The following MEGF8 variants were observed in gnomAD, a reference collection of about 807,000 sequenced individuals.
MEGF8 encodes multiple EGF like domains 8, also known as multiple epidermal growth factor-like domains protein 8.
A neutral mutation model predicts 302.9 loss-of-function variants in MEGF8; 156 were observed. The observed-to-expected ratio is 0.52, with a 90% CI of 0.45 to 0.59. MEGF8 has a LOEUF of 0.59. Ranked by LOEUF, MEGF8 falls within the 20% of genes least tolerant of loss-of-function variation. The pLI, the probability that MEGF8 is intolerant of heterozygous loss-of-function variation, is 0.00. For synonymous variants in MEGF8, 1,621 were observed against 1,660.5 expected (o/e 0.98, Z 0.58); for missense variants, 3,345 against 3,964.5 (o/e 0.84, Z 4.20).
chr19:42,357,665 T>C lies in MEGF8; in HGVS notation c.5011+81T>C, dbSNP rs1340627474. ...TTCCTGTGGGCTCTCCATCCACTGC[T>C]GTGCTCTGTGGCCACCTGTCTCCCT... On this transcript the variant is annotated intron_variant, in intron 28 of 41. Coordinates refer to ENST00000251268, the MANE Select transcript of MEGF8 (RefSeq NM_001271938.2). This position sits in a 1 kb window ranked among gnomAD's most constrained non-coding sequence, Gnocchi z 5.2. 7.8e-7 allele frequency: 1 copy of C among 1,284,998 alleles called. No homozygotes were observed. The highest frequency in any genetic ancestry group is 2.5e-5 in the East Asian group (1 of 39,452). The allele number at this position is 1,284,998 out of a possible 1,614,324, so 79.6% of individuals were successfully genotyped here.
chr19:42,363,756 G>A (rs892035772), intron 35 of MEGF8, among the ~76,000 whole-genome samples: 2 of 152,086 alleles, frequency 1.3e-5, no homozygotes, highest in Non-Finnish European at 2.9e-5. Context: ...TTGTTATAAG[G>A]AAGTGTGGGT....
Position 42,356,439 on chromosome 19 carries a change from G to C in MEGF8, c.4608G>C (p.Leu1536=). 1 of 1,604,668 alleles carries C rather than the reference G, an allele frequency of 6.2e-7. No individual in the cohort carries two copies. The highest frequency in any genetic ancestry group is 8.5e-7 in the Non-Finnish European group (1 of 1,175,964). The change falls in exon 26 of 42, where the codon CTG becomes CTC. Residue 1536 remains leucine (L), a synonymous_variant. Transcript: ENST00000251268. The surrounding 1 kb of genome is among the most constrained non-coding windows in gnomAD (Gnocchi z 5.2). ...FGGLGLPQGL[L]GNLYRYSVSE... The stretch of plus-strand genomic sequence containing the variant: ...GCCTGGGCCTGCCCCAGGGGCTGCT[G>C]GGAAACCTGTACAGGTGAGGACTGC...
chr19:42,326,206 G>A lies in MEGF8; in HGVS notation c.-38G>A, dbSNP rs774894940. 1.4e-6 allele frequency: 2 copies of A among 1,465,414 alleles called. No individual in the cohort carries two copies. The highest frequency in any genetic ancestry group is 1.8e-6 in the Non-Finnish European group (2 of 1,115,474). The allele number at this position is 1,465,414 out of a possible 1,614,324, so 90.8% of individuals were successfully genotyped here. On this transcript the variant is annotated 5_prime_UTR_variant, in exon 1 of 42. Transcript: ENST00000251268. The stretch of plus-strand genomic sequence containing the variant: ...AGAGGGTCCTCTCCAGGTTTTTACG[G>A]CCTGTCCCCGCTCTAAGGGTCAGTG...
chr19:42,327,454 G>A (rs1568553132), intron 1 of MEGF8, among the ~76,000 whole-genome samples: 1 of 152,192 alleles, frequency 6.6e-6, no homozygotes, highest in Non-Finnish European at 1.5e-5. Flanking sequence ...GAGGCTTCCT[G>A]GAGGAGGAAA....
At chr19:42,350,711 C>T (rs1167411802) in intron 15 of MEGF8, among the ~76,000 whole-genome samples, 3 of 152,216 alleles carry the variant, frequency 2.0e-5, no homozygotes, top group Admixed American at 6.5e-5. Context: ...ACCCTGCTTC[C>T]TCTTGTTCCC....
At position 42,353,898 on chromosome 19, in the gene MEGF8, C is replaced by T. The variant is rs147869980; in HGVS notation, c.3885C>T (p.Ala1295=). The T allele has an allele frequency of 1.7e-5, 27 of 1,593,242 alleles. No individual in the cohort carries two copies. The highest frequency in any genetic ancestry group is 9.1e-5 in the East Asian group (4 of 43,794). The change falls in exon 22 of 42, where the codon GCC becomes GCT. Residue 1295 remains alanine, a synonymous_variant. Coordinates refer to ENST00000251268, the MANE Select transcript of MEGF8 (RefSeq NM_001271938.2). This position sits in a 1 kb window ranked among gnomAD's most constrained non-coding sequence, Gnocchi z 6.1. ...CTCCAGGTGGCGGGGCTGCAAGAGC[C>T]GGGCCTGGCCTGTCCTACTGTGTGT... is the stretch of plus-strand genomic sequence containing the variant. The part of the protein sequence containing the change: ...LLPPGGGAAR[A]GPGLSYCVWV...
Position 42,344,678 on chromosome 19 carries a change from C to T in MEGF8, c.1942C>T (p.Arg648Cys), listed in dbSNP as rs761382753. 19 of 1,580,316 alleles carry T rather than the reference C, an allele frequency of 1.2e-5. No individual in the cohort carries two copies. The highest frequency in any genetic ancestry group is 1.4e-5 in the Non-Finnish European group (16 of 1,160,666). Residue 648 changes from arginine (R) to cysteine (C), a missense_variant, in exon 12 of 42, where the codon CGC becomes TGC. Arg to Cys is a radical substitution (Grantham distance 180). Coordinates refer to ENST00000251268, the MANE Select transcript of MEGF8 (RefSeq NM_001271938.2). This position sits in a 1 kb window ranked among gnomAD's most constrained non-coding sequence, Gnocchi z 4.5. ...ESCLPRPEQA[R>C]CRGEQISGTV... is the part of the protein sequence containing the mutation. ...ACCCCCTGTCTTCTCAGAGCAGGCC[C>T]GCTGCCGAGGGGAGCAGATCTCAGG...
Position 42,351,677 on chromosome 19 carries a change from G to A in MEGF8, c.3017G>A (p.Cys1006Tyr), listed in dbSNP as rs778816177. ...CACTCGGAGCCACGGTGCCGGAGCTGCGATGGCTTCCTGACCTGCCATGAG... is the reference window on the plus strand; with the variant it reads ...CACTCGGAGCCACGGTGCCGGAGCTACGATGGCTTCCTGACCTGCCATGAG... ...SVHSEPRCRSCDGFLTCHECL... is the reference protein window; with the variant it reads ...SVHSEPRCRSYDGFLTCHECL... Residue 1006 changes from cysteine (C) to tyrosine (Y), a missense_variant, in exon 18 of 42, where the codon TGC (cysteine) becomes TAC (tyrosine). By Grantham distance (194) the Cys-to-Tyr change is radical. Transcript: ENST00000251268. The surrounding 1 kb of genome is among the most constrained non-coding windows in gnomAD (Gnocchi z 5.6). 4 of 1,590,946 alleles carry A rather than the reference G, an allele frequency of 2.5e-6. No individual in the cohort carries two copies. The highest frequency in any genetic ancestry group is 3.4e-6 in the Non-Finnish European group (4 of 1,169,498).
intron 8 of MEGF8, among the ~76,000 whole-genome samples, chr19:42,338,615 C>T (rs930620969): frequency 5.3e-5 from 8 of 152,112 alleles, no homozygotes; most frequent in African/African-American, 1.9e-4. Flanking sequence ...TTGTTCCCTT[C>T]TTTGTGTCCC....
At chr19:42,373,305 A>C (rs1371546557) in intron 41 of MEGF8, among the ~76,000 whole-genome samples, 1 of 150,982 alleles carries the variant, frequency 6.6e-6, no homozygotes, top group Admixed American at 6.6e-5. Context: ...GTTGGCCAGG[A>C]TGGTCTTGAT....
chr19:42,351,738 T>C lies in MEGF8; in HGVS notation c.3078T>C (p.Asn1026=), dbSNP rs2039376952. ...LQSHECGWCG[N]EDNPTLGRCL... ...GCCACGAGTGTGGCTGGTGTGGCAATGAGGACAACCCCACACTGGGACGGT... is the reference window on the plus strand; with the variant it reads ...GCCACGAGTGTGGCTGGTGTGGCAACGAGGACAACCCCACACTGGGACGGT... Residue 1026 remains asparagine (N), a synonymous_variant, in exon 18 of 42, where the codon AAT becomes AAC. Transcript: ENST00000251268. The surrounding 1 kb of genome is among the most constrained non-coding windows in gnomAD (Gnocchi z 5.6). 6.3e-7 allele frequency: 1 copy of C among 1,583,152 alleles called. No individual in the cohort carries two copies. Among genetic ancestry groups the C allele is most frequent in the Non-Finnish European group, 8.6e-7 (1 of 1,165,848 alleles).
In MEGF8 at chr19:42,351,882, C is replaced by A; in HGVS notation, c.3101+121C>A. ...CCATCCCATGGCCACCTTCCCTTTT[C>A]CGTACTGTTTTTCTGTTGTTTATTT... On this transcript the variant is annotated intron_variant, in intron 18 of 41. Transcript: ENST00000251268. The surrounding 1 kb of genome is among the most constrained non-coding windows in gnomAD (Gnocchi z 5.6). 2 of 838,006 alleles carry A rather than the reference C, an allele frequency of 2.4e-6. No homozygotes were observed. The highest frequency in any genetic ancestry group is 1.9e-6 in the Non-Finnish European group (1 of 527,854). 51.9% of individuals were successfully genotyped at this position (838,006 alleles called of 1,614,324 possible).
rs765419448 is a variant in MEGF8, at chr19:42,362,127, C to G, written c.5758C>G (p.Arg1920Gly). 5.6e-6 allele frequency: 9 copies of G among 1,612,256 alleles called. No individual in the cohort carries two copies. The highest frequency in any genetic ancestry group is 7.6e-6 in the Non-Finnish European group (9 of 1,179,470). ...CGGSPCSPMP[R>G]SPEECRRLRT... ...GGGCTCCCCCTGCTCCCCAATGCCT[C>G]GCTCCCCGGAGGAATGTCGACGTCT... The change falls in exon 33 of 42, where the codon CGC becomes GGC. Residue 1920 changes from arginine to glycine, a missense_variant. By Grantham distance (125) the Arg-to-Gly change is moderately radical. Transcript: ENST00000251268.
intron 35 of MEGF8, among the ~76,000 whole-genome samples, chr19:42,367,377 C>T (rs1365868843): frequency 6.6e-6 from 1 of 151,836 alleles, no homozygotes; most frequent in African/African-American, 2.4e-5. Flanking sequence ...CAAGCTCCAC[C>T]TCCCGGGTTC....
Position 42,375,142 on chromosome 19 carries a change from G to C in MEGF8, c.7270-365G>C, listed in dbSNP as rs761807895. Among the ~76,000 whole-genome samples the C allele has an allele frequency of 1.1e-4, 17 of 152,214 alleles. No individual in the cohort carries two copies. Among genetic ancestry groups the C allele is most frequent in the Non-Finnish European group, 2.1e-4 (14 of 68,036 alleles). On this transcript the variant is annotated intron_variant, in intron 41 of 41. Coordinates refer to ENST00000251268, the MANE Select transcript of MEGF8 (RefSeq NM_001271938.2). This position sits in a 1 kb window ranked among gnomAD's most constrained non-coding sequence, Gnocchi z 7.1. ...TGTGCAGAGCTCATGGGTTAAGTCT[G>C]TGTGCTCAGGCTCAGTGAGGTTAAG...
Position 42,356,020 on chromosome 19 carries a change from G to C in MEGF8, c.4392+15G>C. 1 of 1,607,540 alleles carries C rather than the reference G, an allele frequency of 6.2e-7. No homozygotes were observed. The highest frequency in any genetic ancestry group is 8.5e-7 in the Non-Finnish European group (1 of 1,175,284). On this transcript the variant is annotated intron_variant, in intron 24 of 41. Transcript: ENST00000251268. This position sits in a 1 kb window ranked among gnomAD's most constrained non-coding sequence, Gnocchi z 5.2. ...CTTGTAACCAGGTACAGGTGGGAGAGGGCAAGTCTGGTGGGACAGGGCTGG... is the reference window on the plus strand; with the variant it reads ...CTTGTAACCAGGTACAGGTGGGAGACGGCAAGTCTGGTGGGACAGGGCTGG...
At position 42,337,643 on chromosome 19, in the gene MEGF8, A is replaced by T. The variant is rs567509292; in HGVS notation, c.1513+437A>T. 2.3e-3 allele frequency among the ~76,000 whole-genome samples: 337 copies of T among 148,264 alleles called. 1 individual carries two copies. The highest frequency in any genetic ancestry group is 8.0e-3 in the African/African-American group (319 of 39,676). ...TGCCTCAGCCTCCTGCATCGCTGGG[A>T]CTACAGGCGCCTGCCACCTCACCTG... On this transcript the variant is annotated intron_variant, in intron 8 of 41. Transcript: ENST00000251268.
At chr19:42,341,028 C>T (rs2039204735) in intron 8 of MEGF8, among the ~76,000 whole-genome samples, 1 of 152,094 alleles carries the variant, frequency 6.6e-6, no homozygotes, top group South Asian at 2.1e-4. Flanking sequence ...TGCAGTGGTG[C>T]AGTCATAGCC....
At position 42,354,590 on chromosome 19, in the gene MEGF8, G is replaced by T; in HGVS notation, c.4014G>T (p.Leu1338=). Residue 1338 remains leucine (L), a splice_region_variant and synonymous_variant, in exon 23 of 42, where the codon CTG becomes CTT. Transcript: ENST00000251268. The surrounding 1 kb of genome is among the most constrained non-coding windows in gnomAD (Gnocchi z 4.3). The part of the protein sequence containing the change: ...FSPDSSTPCT[L]SYVLAFDGFP... The stretch of plus-strand genomic sequence containing the variant: ...TCCTCGATTCTGCACCCCTCTAGCT[G>T]AGCTACGTCCTGGCGTTTGATGGAT... 1 of 1,611,570 alleles carries T rather than the reference G, an allele frequency of 6.2e-7. No homozygotes were observed.
Sources: allele counts gnomAD v4.1 joint callset (sites outside exome capture counted in the v4.1 genomes callset), GRCh38; gene constraint gnomAD v4.1.1; non-coding constraint Gnocchi (gnomAD v3.1); transcripts MANE v1.5; gene names NCBI Gene and HGNC (gene_info 2026-07-23, HGNC 2026-07-21).